EDIL3: variants seen among roughly 807,000 people sequenced by gnomAD.
The protein encoded by EDIL3 is EGF like and discoidin domains 3.
In EDIL3, 37 loss-of-function variants were observed where a neutral mutation model predicts 67.4. That is an observed-to-expected ratio of 0.55 (90% CI 0.42 to 0.72). The LOEUF is 0.72. EDIL3 is among the 30% of genes least tolerant of loss of function. The probability of loss-of-function intolerance (pLI) is 0.00; values close to 1 mark genes in which losing one functional copy is unlikely to be tolerated. For missense variants in EDIL3, 527 were observed against 586.3 expected (o/e 0.90, Z 1.04); for synonymous variants, 195 against 196.3 (o/e 0.99, Z 0.05).
chr5:84,073,320 C>T (rs1278995145), intron 6 of EDIL3, among the ~76,000 whole-genome samples: 3 of 152,102 alleles, frequency 2.0e-5, no homozygotes, highest in Non-Finnish European at 4.4e-5. Flanking sequence ...CACTCCTATT[C>T]AACATAGTGT....
intron 2 of EDIL3, among the ~76,000 whole-genome samples, chr5:84,232,681 T>C (rs1357536119): frequency 6.6e-6 from 1 of 152,204 alleles, no homozygotes; most frequent in Admixed American, 6.5e-5. Context: ...AACATCTACA[T>C]AGCAGTGCTT....
At chr5:84,240,302 T>C (rs982110080) in intron 2 of EDIL3, among the ~76,000 whole-genome samples, 1 of 152,200 alleles carries the variant, frequency 6.6e-6, no homozygotes, top group Admixed American at 6.5e-5. Context: ...TGTTCTTTTG[T>C]TTTTATGATT....
Position 83,995,157 on chromosome 5 carries a change from T to TACACACACACAC in EDIL3, c.1138-31809_1138-31798dup, listed in dbSNP as rs370763993. On this transcript the variant is annotated intron_variant, in intron 9 of 10. Coordinates refer to ENST00000296591, the MANE Select transcript of EDIL3 (RefSeq NM_005711.5). ...AGCAGTATACACACGCACACACACA[T>TACACACACACAC]ACACACACACACACACACACACACA... Among the ~76,000 whole-genome samples the TACACACACACAC allele has an allele frequency of 3.8e-4, 56 of 149,162 alleles. 1 individual carries two copies. Among genetic ancestry groups the TACACACACACAC allele is most frequent in the South Asian group, 1.5e-3 (7 of 4,686 alleles).
At chr5:84,020,606 C>T (rs892755438) in intron 9 of EDIL3, among the ~76,000 whole-genome samples, 1 of 151,782 alleles carries the variant, frequency 6.6e-6, no homozygotes, top group Admixed American at 6.6e-5. Flanking sequence ...CTAGGTATAG[C>T]CACCCCTCCC....
chr5:84,129,548 T>G (rs941386789), intron 5 of EDIL3, among the ~76,000 whole-genome samples: 5 of 152,022 alleles, frequency 3.3e-5, no homozygotes, highest in Admixed American at 3.3e-4. Flanking sequence ...TTGGATTAAT[T>G]TTTATTTTAT....
intron 1 of EDIL3, among the ~76,000 whole-genome samples, chr5:84,349,280 C>T (rs1329744418): frequency 6.6e-6 from 1 of 152,124 alleles, no homozygotes; most frequent in Non-Finnish European, 1.5e-5. Flanking sequence ...TTGACAATAG[C>T]CGTTCCATGT....
At chr5:84,328,359 C>A (rs765482213) in intron 1 of EDIL3, among the ~76,000 whole-genome samples, 1 of 151,996 alleles carries the variant, frequency 6.6e-6, no homozygotes, top group Non-Finnish European at 1.5e-5. Flanking sequence ...CCGTCACTAC[C>A]ACCTGCCTTC....
chr5:84,081,842 C>CA (rs1746974812), intron 6 of EDIL3, among the ~76,000 whole-genome samples: 1 of 149,490 alleles, frequency 6.7e-6, no homozygotes, highest in Non-Finnish European at 1.5e-5. Context: ...TGGGGAGGTG[C>CA]ATTACTTCTA....
intron 1 of EDIL3, among the ~76,000 whole-genome samples, chr5:84,269,663 A>T (rs1159258270): frequency 6.6e-6 from 1 of 152,170 alleles, no homozygotes; most frequent in Admixed American, 6.5e-5. Context: ...ATAAAGTCAG[A>T]TCTACTTTAT....
chr5:84,262,826 A>G (rs2112086542), intron 1 of EDIL3, among the ~76,000 whole-genome samples: 1 of 151,652 alleles, frequency 6.6e-6, no homozygotes, highest in South Asian at 2.1e-4. Context: ...ATGTGCCTTT[A>G]TGCTCAGCTA....
At position 83,943,313 on chromosome 5, in the gene EDIL3, G is replaced by GAAAAA; in HGVS notation, c.*101_*105dup. 5.5e-6 allele frequency: 7 copies of GAAAAA among 1,276,748 alleles called. No individual in the cohort carries two copies. Among genetic ancestry groups the GAAAAA allele is most frequent in the South Asian group, 1.4e-5 (1 of 69,546 alleles). 79.1% of individuals were successfully genotyped at this position (1,276,748 alleles called of 1,614,324 possible). On this transcript the variant is annotated 3_prime_UTR_variant, in exon 11 of 11. Transcript: ENST00000296591. The stretch of plus-strand genomic sequence containing the variant: ...TACCATAATTTGAGCACTTTTTCAT[G>GAAAAA]AAAAAAAAAAAAAAACCATTCAGTT...
At chr5:84,000,452 G>T (rs1231126008) in intron 9 of EDIL3, among the ~76,000 whole-genome samples, 2 of 152,030 alleles carry the variant, frequency 1.3e-5, no homozygotes, top group South Asian at 2.1e-4. Context: ...CTCTTTACTT[G>T]TTTGTTAGAT....
chr5:84,242,871 T>C (rs1360951269), intron 2 of EDIL3, among the ~76,000 whole-genome samples: 1 of 150,640 alleles, frequency 6.6e-6, no homozygotes, highest in East Asian at 2.0e-4. Context: ...CCTCCCCATA[T>C]GTGTAACAGG....
At chr5:84,346,294 T>C (rs1238438287) in intron 1 of EDIL3, among the ~76,000 whole-genome samples, 2 of 151,752 alleles carry the variant, frequency 1.3e-5, no homozygotes, top group East Asian at 3.9e-4. Flanking sequence ...TAATAAACAT[T>C]TTAGGTTTGA....
chr5:83,985,859 G>A (rs1186499878), intron 9 of EDIL3, among the ~76,000 whole-genome samples: 1 of 151,666 alleles, frequency 6.6e-6, no homozygotes, highest in Non-Finnish European at 1.5e-5. Context: ...GCTTTTCATA[G>A]TTGTGTGAAT....
At chr5:83,956,438 T>C (rs969761249) in intron 10 of EDIL3, among the ~76,000 whole-genome samples, 3 of 151,772 alleles carry the variant, frequency 2.0e-5, no homozygotes, top group African/African-American at 7.2e-5. Context: ...TATTATGTTC[T>C]CTGTGTACCT....
intron 5 of EDIL3, among the ~76,000 whole-genome samples, chr5:84,128,270 G>T (rs2112305613): frequency 6.6e-6 from 1 of 152,210 alleles, no homozygotes; most frequent in Admixed American, 6.6e-5. Flanking sequence ...TTTGGTGAAA[G>T]ATCAGGAACC....
Position 84,180,312 on chromosome 5 carries a change from T to G in EDIL3, c.355+81A>C. ...CTCTTCTGCTCTCAGATTCTATGAT[T>G]CTACTACAAACAAGAATGATGATGG... On this transcript the variant is annotated intron_variant, in intron 4 of 10. Transcript: ENST00000296591. 9 of 1,437,972 alleles carry G rather than the reference T, an allele frequency of 6.3e-6. No homozygotes were observed. In the South Asian group the frequency reaches 9.2e-5, roughly 15 times the overall value. 89.1% of individuals were successfully genotyped at this position (1,437,972 alleles called of 1,614,324 possible).
intron 1 of EDIL3, among the ~76,000 whole-genome samples, chr5:84,270,558 A>C (rs530696232): frequency 6.6e-6 from 1 of 152,318 alleles, no homozygotes; most frequent in Admixed American, 6.5e-5. Flanking sequence ...TCTTATTTTC[A>C]TTAATATGTA....
Sources: allele counts gnomAD v4.1 joint callset (sites outside exome capture counted in the v4.1 genomes callset), GRCh38; gene constraint gnomAD v4.1.1; transcripts MANE v1.5; gene names NCBI Gene and HGNC (gene_info 2026-07-23, HGNC 2026-07-21).